The following ZNF521 variants were observed in gnomAD, a reference collection of about 807,000 sequenced individuals.
ZNF521 encodes zinc finger protein 521.
A neutral mutation model predicts 105.5 loss-of-function variants in ZNF521; 14 were observed. That is an observed-to-expected ratio of 0.13 (90% CI 0.09 to 0.21). The LOEUF (loss-of-function observed/expected upper bound fraction) is 0.21, where lower values mean the gene tolerates loss of function less well. ZNF521 is among the 10% of genes least tolerant of loss of function. The pLI is 1.00. For synonymous variants in ZNF521, 635 were observed against 606.0 expected (o/e 1.05, Z -0.70); for missense variants, 1,233 against 1,629.7 (o/e 0.76, Z 4.19).
At chr18:25,179,944 G>A (rs1043894562) in intron 5 of ZNF521, among the ~76,000 whole-genome samples, 1 of 152,186 alleles carries the variant, frequency 6.6e-6, no homozygotes, top group Non-Finnish European at 1.5e-5. Context: ...GTTACTGACA[G>A]AAAATCTGAA....
At chr18:25,282,496 G>C (rs1910441887) in intron 3 of ZNF521, among the ~76,000 whole-genome samples, 1 of 152,124 alleles carries the variant, frequency 6.6e-6, no homozygotes, top group Non-Finnish European at 1.5e-5. Flanking sequence ...GAAGTCTGCA[G>C]AGCGGCACTC....
At chr18:25,097,320 A>C (rs1337744165) in intron 5 of ZNF521, among the ~76,000 whole-genome samples, 1 of 152,152 alleles carries the variant, frequency 6.6e-6, no homozygotes, top group Non-Finnish European at 1.5e-5. Context: ...TGTGGTGCTA[A>C]TTTGGCAATG....
chr18:25,308,599 T>C lies in ZNF521; in HGVS notation c.220+13409A>G, dbSNP rs542129394. Among the ~76,000 whole-genome samples the C allele has an allele frequency of 9.9e-5, 15 of 150,828 alleles. 2 individuals carry two copies. Among genetic ancestry groups the C allele is most frequent in the Middle Eastern group, 6.8e-3 (2 of 294 alleles). On this transcript the variant is annotated intron_variant, in intron 3 of 7. Coordinates refer to ENST00000361524, the MANE Select transcript of ZNF521 (RefSeq NM_015461.3). The stretch of plus-strand genomic sequence containing the variant: ...TAACTCTTGCTCATCACCAAAGACA[T>C]CATGTGCTCCAGGAAACCACCCCAA...
intron 3 of ZNF521, among the ~76,000 whole-genome samples, chr18:25,276,662 TG>T (rs1344097136): frequency 2.6e-5 from 4 of 152,192 alleles, no homozygotes; most frequent in African/African-American, 9.7e-5. Context: ...GAAACTGACC[TG>T]TACTTTAAGA....
At chr18:25,274,639 G>C (rs968974931) in intron 3 of ZNF521, among the ~76,000 whole-genome samples, 3 of 152,156 alleles carry the variant, frequency 2.0e-5, no homozygotes, top group African/African-American at 4.8e-5. Context: ...CAATATAGCT[G>C]AATCTACTCA....
At chr18:25,089,776 C>T (rs1055408202) in intron 6 of ZNF521, among the ~76,000 whole-genome samples, 196 bp from the exon 7 acceptor site, 1 of 152,046 alleles carries the variant, frequency 6.6e-6, no homozygotes, top group African/African-American at 2.4e-5. Flanking sequence ...CTCTACGGAG[C>T]ACCTAATTCA....
intron 5 of ZNF521, among the ~76,000 whole-genome samples, chr18:25,119,592 G>A (rs1454151162): frequency 6.6e-6 from 1 of 151,816 alleles, no homozygotes; most frequent in Non-Finnish European, 1.5e-5. Flanking sequence ...GGTCCAAAAA[G>A]AAATCACAAG....
intron 5 of ZNF521, among the ~76,000 whole-genome samples, chr18:25,104,069 G>C (rs2034023950): frequency 1.3e-5 from 2 of 151,948 alleles, no homozygotes; most frequent in Non-Finnish European, 2.9e-5. Flanking sequence ...TTTCTCCGAT[G>C]ATAATTCCTT....
intron 5 of ZNF521, among the ~76,000 whole-genome samples, chr18:25,131,460 G>C (rs1327367621): frequency 6.6e-6 from 1 of 152,080 alleles, no homozygotes; most frequent in Non-Finnish European, 1.5e-5. Context: ...TCTTCCTAAC[G>C]AAGTGTCCCC....
At chr18:25,307,764 T>C (rs972905012) in intron 3 of ZNF521, among the ~76,000 whole-genome samples, 2 of 152,210 alleles carry the variant, frequency 1.3e-5, no homozygotes, top group Non-Finnish European at 2.9e-5. Flanking sequence ...TCTGTCTCTC[T>C]CTGCTGTCTG....
intron 5 of ZNF521, among the ~76,000 whole-genome samples, chr18:25,193,904 T>C (rs770671572): frequency 4.6e-5 from 7 of 151,920 alleles, no homozygotes; most frequent in Non-Finnish European, 7.4e-5. Context: ...TAGTCATTTA[T>C]AAGCAACAAC....
In ZNF521 at chr18:25,226,966, T is replaced by A. The variant is rs775180149; in HGVS notation, c.952A>T (p.Ser318Cys). The change falls in exon 4 of 8, where the codon AGT becomes TGT. Residue 318 changes from serine (S) to cysteine (C), a missense_variant. Physicochemically the swap from Ser to Cys is moderately radical, Grantham distance 112. Around this residue, in one of 6 missense-constraint regions of ZNF521, gnomAD observed 380 missense variants for 478.0 expected, o/e 0.80. Coordinates refer to ENST00000361524, the MANE Select transcript of ZNF521 (RefSeq NM_015461.3). This position sits in a 1 kb window ranked among gnomAD's most constrained non-coding sequence, Gnocchi z 4.1. ...KKNSCSICSE[S>C]FHTVEELYSH... ...TACAGTTCCTCAACTGTGTGGAAAC[T>A]CTCAGAACAAATGCTGCATGAGTTC... The A allele has an allele frequency of 1.9e-6, 3 of 1,614,048 alleles. No homozygotes were observed. Among genetic ancestry groups the A allele is most frequent in the Non-Finnish European group, 2.5e-6 (3 of 1,180,000 alleles).
In ZNF521 at chr18:25,062,528, G is replaced by C. The variant is rs2032924535; in HGVS notation, c.*184C>G. 1.4e-6 allele frequency: 1 copy of C among 700,862 alleles called. No homozygotes were observed. Among genetic ancestry groups the C allele is most frequent in the African/African-American group, 1.9e-5 (1 of 53,904 alleles). 43.4% of individuals were successfully genotyped at this position (700,862 alleles called of 1,614,324 possible). A position where few individuals can be genotyped will look rare whatever the true frequency, so the allele number is the denominator to read the frequency against. On this transcript the variant is annotated 3_prime_UTR_variant, in exon 8 of 8. Transcript: ENST00000361524. ...TACATGTGCAACACTTTATATACAAGGGGTCTATCCGGTGCGCAAAAGTTC... is the reference window on the plus strand; with the variant it reads ...TACATGTGCAACACTTTATATACAACGGGTCTATCCGGTGCGCAAAAGTTC...
intron 5 of ZNF521, among the ~76,000 whole-genome samples, chr18:25,156,697 CTATA>C (rs370953253): frequency 1.3e-3 from 199 of 152,098 alleles, no homozygotes; most frequent in African/African-American, 4.6e-3. Flanking sequence ...TATGGAAAAT[CTATA>C]TGTTACATTT....
chr18:25,213,855 TTA>T (rs2144694714), intron 4 of ZNF521, among the ~76,000 whole-genome samples: 1 of 152,288 alleles, frequency 6.6e-6, no homozygotes, highest in East Asian at 1.9e-4. Context: ...TGGTAACATA[TTA>T]TTCTAAGATG....
At chr18:25,115,477 C>T (rs1374130297) in intron 5 of ZNF521, among the ~76,000 whole-genome samples, 1 of 152,072 alleles carries the variant, frequency 6.6e-6, no homozygotes, top group Non-Finnish European at 1.5e-5. Context: ...ATCAATGGCA[C>T]TTTTCATTAG....
intron 5 of ZNF521, among the ~76,000 whole-genome samples, chr18:25,175,875 G>A (rs937122549): frequency 2.0e-5 from 3 of 152,116 alleles, no homozygotes; most frequent in Non-Finnish European, 4.4e-5. Flanking sequence ...ACTTCGAAGA[G>A]GCAGAAAAAA....
chr18:25,106,649 C>T (rs1439299185), intron 5 of ZNF521, among the ~76,000 whole-genome samples: 2 of 152,046 alleles, frequency 1.3e-5, no homozygotes, highest in African/African-American at 4.8e-5. Context: ...AAGCAGGTCA[C>T]GAATGCAATT....
intron 3 of ZNF521, among the ~76,000 whole-genome samples, chr18:25,264,837 GA>G (rs1337798852): frequency 2.0e-5 from 3 of 152,030 alleles, no homozygotes; most frequent in African/African-American, 7.2e-5. Flanking sequence ...GGAAGAAACA[GA>G]AAAAGCTTCA....
Sources: gnomAD v4.1 joint callset for allele counts (sites outside exome capture counted in the v4.1 genomes callset) on GRCh38, gnomAD v4.1.1 for gene constraint, gnomAD v4.1.1 regional missense constraint, Gnocchi (gnomAD v3.1) non-coding constraint, MANE v1.5 for transcripts, NCBI Gene and HGNC (gene_info 2026-07-23, HGNC 2026-07-21) for gene names.